The following SERPINE2 variants were observed in gnomAD, a reference collection of about 807,000 sequenced individuals.
The protein encoded by SERPINE2 is glia-derived nexin.
Under a neutral mutation model 36.3 loss-of-function variants are expected in SERPINE2, and 14 were observed. The observed-to-expected ratio is 0.39, with a 90% CI of 0.25 to 0.60. SERPINE2 has a LOEUF of 0.60. Among genes scored for constraint, SERPINE2 ranks in the 20% least tolerant of loss-of-function variants. The pLI is 0.57. For missense variants in SERPINE2, 418 were observed against 499.6 expected, an observed-to-expected ratio of 0.84 and a Z score of 1.56; for synonymous variants, 192 against 191.8, an observed-to-expected ratio of 1.00 and a Z score of -0.01.
chr2:223,991,821 G>A lies in SERPINE2; in HGVS notation c.667C>T (p.Leu223Phe). The part of the protein sequence containing the change: ...KSYQVPMLAQ[L>F]SVFRCGSTSA... ...AACTCACCACACCGGAACACGGAGA[G>A]CTGGGCCAGCATTGGCACTTGATAG... Residue 223 changes from leucine (L) to phenylalanine (F), a missense_variant, in exon 4 of 9, where the codon CTC becomes TTC. By Grantham distance (22) the Leu-to-Phe change is conservative. Coordinates refer to ENST00000409304, the MANE Select transcript of SERPINE2 (RefSeq NM_001136528.2). 3 of 1,613,976 alleles carry A rather than the reference G, an allele frequency of 1.9e-6. No homozygotes were observed. The South Asian group carries it at 3.3e-5, about 18-fold the overall frequency.
At chr2:224,010,687 A>T (rs1691595656) in intron 1 of SERPINE2, among the ~76,000 whole-genome samples, 1 of 152,252 alleles carries the variant, frequency 6.6e-6, no homozygotes, top group African/African-American at 2.4e-5. Flanking sequence ...GTCCTCTGCC[A>T]TATTAGAAAT....
At chr2:223,992,361 C>CT (rs200803439) in intron 3 of SERPINE2, among the ~76,000 whole-genome samples, 26 of 140,300 alleles carry the variant, frequency 1.9e-4, no homozygotes, top group East Asian at 1.3e-3. Context: ...TTCTTCTTTT[C>CT]TTTTTTTTGC....
chr2:223,997,190 A>T (rs558091542), intron 3 of SERPINE2, among the ~76,000 whole-genome samples: 1 of 150,856 alleles, frequency 6.6e-6, no homozygotes, highest in East Asian at 1.9e-4. Flanking sequence ...CCTCCACGTT[A>T]CAAATTAAGG....
At chr2:224,024,145 G>A (rs1692105535) in intron 1 of SERPINE2, among the ~76,000 whole-genome samples, 1 of 152,200 alleles carries the variant, frequency 6.6e-6, no homozygotes. Flanking sequence ...GGGAATGAGG[G>A]ATGGGGAAGA....
chr2:223,998,204 A>G lies in SERPINE2; in HGVS notation c.398T>C (p.Val133Ala). 1 of 1,614,226 alleles carries G rather than the reference A, an allele frequency of 6.2e-7. No homozygotes were observed. Among genetic ancestry groups the G allele is most frequent in the Non-Finnish European group, 8.5e-7 (1 of 1,180,042 alleles). Residue 133 changes from valine to alanine, a missense_variant, in exon 3 of 9, where the codon GTG becomes GCG. By Grantham distance (64) the Val-to-Ala change is moderately conservative (BLOSUM62 0). Coordinates refer to ENST00000409304, the MANE Select transcript of SERPINE2 (RefSeq NM_001136528.2). ...CACATTCCGGACCTCACACTGGAAC[A>G]CATCTTTGTTCCTTGTAACAAAAGG... is the stretch of plus-strand genomic sequence containing the variant. Reference protein sequence around the residue: ...EVPFVTRNKDVFQCEVRNVNF... With the variant: ...EVPFVTRNKDAFQCEVRNVNF...
At chr2:224,034,068 A>G (rs1692462258) in intron 1 of SERPINE2, among the ~76,000 whole-genome samples, 1 of 152,224 alleles carries the variant, frequency 6.6e-6, no homozygotes, top group South Asian at 2.1e-4. Context: ...AAATATGAAT[A>G]TGGTTTAGTT....
At chr2:224,022,532 G>A (rs547364742) in intron 1 of SERPINE2, among the ~76,000 whole-genome samples, 1 of 152,198 alleles carries the variant, frequency 6.6e-6, no homozygotes, top group African/African-American at 2.4e-5. Flanking sequence ...GTCACCAGGG[G>A]CTATTCTCTT....
chr2:224,035,198 G>A (rs2602678), intron 1 of SERPINE2, among the ~76,000 whole-genome samples: 93,018 of 151,784 alleles, frequency 0.61, 29,090 homozygotes, highest in South Asian at 0.71. Context: ...GTCGATGATC[G>A]TCTCAGCCTA....
intron 1 of SERPINE2, among the ~76,000 whole-genome samples, chr2:224,021,375 C>T (rs1175183631): frequency 6.6e-6 from 1 of 152,138 alleles, no homozygotes; most frequent in African/African-American, 2.4e-5. Context: ...GTCAACAAAA[C>T]AGTGATTCAG....
intron 2 of SERPINE2, among the ~76,000 whole-genome samples, chr2:224,000,716 G>A (rs1369742851): frequency 1.3e-5 from 2 of 152,104 alleles, no homozygotes; most frequent in Middle Eastern, 3.4e-3. Flanking sequence ...GCCCCAGTGT[G>A]TGATGTTCCC....
chr2:224,020,553 G>C lies in SERPINE2; in HGVS notation c.-23+18546C>G, dbSNP rs376907715. Among the ~76,000 whole-genome samples, 10 of 152,150 alleles carry C rather than the reference G, an allele frequency of 6.6e-5. No homozygotes were observed. The East Asian group carries it at 1.7e-3, about 26-fold the overall frequency. On this transcript the variant is annotated intron_variant, in intron 1 of 8. Transcript: ENST00000409304. ...ACTAATATAATATGCTGCTGAGCTT[G>C]GAACACCTCTGCAGGAATGCGAAAT...
intron 1 of SERPINE2, chr2:224,038,552 G>A (rs1692604807): frequency 4.5e-6 from 7 of 1,544,320 alleles, no homozygotes; most frequent in Non-Finnish European, 6.1e-6. Flanking sequence ...GCAAAGACCT[G>A]CTCGCTCGGG....
At chr2:223,991,229 T>C (rs1242045477) in intron 4 of SERPINE2, among the ~76,000 whole-genome samples, 2 of 152,208 alleles carry the variant, frequency 1.3e-5, no homozygotes, top group South Asian at 2.1e-4. Context: ...ATTTGGCTTC[T>C]ATTTATTTGT....
Position 223,984,734 on chromosome 2 carries a change from G to A in SERPINE2, c.884+18C>T, listed in dbSNP as rs1264148179. The A allele has an allele frequency of 6.2e-7, 1 of 1,609,290 alleles. No individual in the cohort carries two copies. Among genetic ancestry groups the A allele is most frequent in the Non-Finnish European group, 8.5e-7 (1 of 1,178,362 alleles). On this transcript the variant is annotated intron_variant, in intron 5 of 8. Transcript: ENST00000409304. Reference sequence around the variant, plus strand: ...TGAATAATGCCACTGTTTTCTTTGAGGGGAAGGGGCCACTTACTTGGGCAG... The same window carrying A: ...TGAATAATGCCACTGTTTTCTTTGAAGGGAAGGGGCCACTTACTTGGGCAG...
chr2:223,984,288 G>C (rs891816308), intron 5 of SERPINE2, among the ~76,000 whole-genome samples: 1 of 152,162 alleles, frequency 6.6e-6, no homozygotes, highest in African/African-American at 2.4e-5. Flanking sequence ...CTTACTCTTA[G>C]GGTATAATAG....
intron 1 of SERPINE2, chr2:224,030,179 T>G: frequency 1.0e-6 from 1 of 985,422 alleles, no homozygotes; most frequent in Non-Finnish European, 1.2e-6. Flanking sequence ...CTTCCTTTGC[T>G]TCATGGCCAA....
rs1445594534 is a variant in SERPINE2 at position 224,025,096 on chromosome 2, CA to C, written c.-23+14002del. 6.6e-5 allele frequency among the ~76,000 whole-genome samples: 10 copies of C among 152,292 alleles called. No individual in the cohort carries two copies. The East Asian group carries it at 1.9e-3, about 29-fold the overall frequency. ...ACATCATTTCACAGACTCTTACACA[CA>C]GAGATGCAGAGAGGTTGGGGAACCT... On this transcript the variant is annotated intron_variant, in intron 1 of 8. Transcript: ENST00000409304.
intron 1 of SERPINE2, among the ~76,000 whole-genome samples, chr2:224,027,958 C>T (rs576034744): frequency 2.6e-5 from 4 of 152,278 alleles, no homozygotes; most frequent in Admixed American, 1.3e-4. Context: ...CTCTCTTTTA[C>T]CCTCTAGAAT....
At chr2:223,978,702 T>A (rs114659166) in intron 7 of SERPINE2, 1 of 152,182 alleles carries the variant, frequency 6.6e-6, no homozygotes, top group Non-Finnish European at 1.5e-5. Flanking sequence ...TTGGGCTTGA[T>A]GTTATAAAGG....
Sources: gnomAD v4.1 joint callset for allele counts (sites outside exome capture counted in the v4.1 genomes callset) on GRCh38, gnomAD v4.1.1 for gene constraint, MANE v1.5 for transcripts, NCBI Gene and HGNC (gene_info 2026-07-23, HGNC 2026-07-21) for gene names.